The following GPR139 variants were observed in gnomAD, a reference collection of about 807,000 sequenced individuals.
The protein encoded by GPR139 is G protein-coupled receptor 139.
In GPR139, 12 loss-of-function variants were observed where a neutral mutation model predicts 25.8. That is an observed-to-expected ratio of 0.47 (90% CI 0.30 to 0.75). GPR139 has a LOEUF of 0.75. GPR139 is among the 30% of genes least tolerant of loss of function. The pLI is 0.07. For missense variants in GPR139, 380 were observed against 450.2 expected (o/e 0.84, Z 1.41); for synonymous variants, 184 against 179.9 (o/e 1.02, Z -0.18).
Position 20,073,460 on chromosome 16 carries a change from G to T in GPR139, c.127+30C>A, listed in dbSNP as rs1489949769. ...GGTTGCCCGGCACTTGGGGTTCCTGGCTTCCCTCCCTCTCCCCCACGCCCC... is the reference window on the plus strand; with the variant it reads ...GGTTGCCCGGCACTTGGGGTTCCTGTCTTCCCTCCCTCTCCCCCACGCCCC... On this transcript the variant is annotated intron_variant, in intron 1 of 1. Coordinates refer to ENST00000570682, the MANE Select transcript of GPR139 (RefSeq NM_001002911.4). This position sits in a 1 kb window ranked among gnomAD's most constrained non-coding sequence, Gnocchi z 4.7. 1.9e-6 allele frequency: 3 copies of T among 1,603,704 alleles called. No individual in the cohort carries two copies. The highest frequency in any genetic ancestry group is 1.7e-6 in the Non-Finnish European group (2 of 1,175,582).
chr16:20,031,620 C>T lies in GPR139; in HGVS notation c.*115G>A, dbSNP rs567527345. 9.6e-5 allele frequency: 74 copies of T among 768,070 alleles called. No homozygotes were observed. The East Asian group carries it at 1.5e-3, about 15-fold the overall frequency. The allele number at this position is 768,070 out of a possible 1,614,324, so 47.6% of individuals were successfully genotyped here. The stretch of plus-strand genomic sequence containing the variant: ...ACCAGTCTGAGAATTGCCCAGTCTG[C>T]GGGAGACAGGAAATCGGATTAGCAC... On this transcript the variant is annotated 3_prime_UTR_variant, in exon 2 of 2. Coordinates refer to ENST00000570682, the MANE Select transcript of GPR139 (RefSeq NM_001002911.4).
At chr16:20,053,439 T>A (rs558553222) in intron 1 of GPR139, among the ~76,000 whole-genome samples, 11 of 152,224 alleles carry the variant, frequency 7.2e-5, no homozygotes, top group Admixed American at 3.9e-4. Flanking sequence ...GATGGGTTTC[T>A]TTCTTGGCAG....
At chr16:20,065,983 A>G (rs2057432745) in intron 1 of GPR139, among the ~76,000 whole-genome samples, 1 of 152,136 alleles carries the variant, frequency 6.6e-6, no homozygotes, top group African/African-American at 2.4e-5. Flanking sequence ...ATTAAGAGAA[A>G]TAGTTTGTTT....
At chr16:20,037,793 T>A (rs2057315081) in intron 1 of GPR139, among the ~76,000 whole-genome samples, 1 of 152,254 alleles carries the variant, frequency 6.6e-6, no homozygotes, top group African/African-American at 2.4e-5. Flanking sequence ...GTTCTCAGCA[T>A]AAAGAATGCG....
At chr16:20,053,389 G>GGTTT (rs1262308616) in intron 1 of GPR139, among the ~76,000 whole-genome samples, 1 of 152,082 alleles carries the variant, frequency 6.6e-6, no homozygotes, top group African/African-American at 2.4e-5. Flanking sequence ...GCCTGCCCAG[G>GGTTT]GTTTCCTTGA....
intron 1 of GPR139, among the ~76,000 whole-genome samples, chr16:20,042,795 C>A (rs1009242037): frequency 4.6e-5 from 7 of 151,982 alleles, no homozygotes; most frequent in African/African-American, 1.7e-4. Context: ...AAGCTAGAAT[C>A]AGCATTTTCT....
At position 20,032,236 on chromosome 16, in the gene GPR139, G is replaced by A. The variant is rs2057292693; in HGVS notation, c.561C>T (p.His187=). ...AGGGCACCAGGTAGACGGTGAAGCA[G>A]TGGATCCAGATGAGGACGTGATGCA... ...TSVHHVLIWI[H]CFTVYLVPCS... The change falls in exon 2 of 2, where the codon CAC becomes CAT. Residue 187 remains histidine (H), a synonymous_variant. Coordinates refer to ENST00000570682, the MANE Select transcript of GPR139 (RefSeq NM_001002911.4). The A allele has an allele frequency of 6.2e-7, 1 of 1,614,116 alleles. No homozygotes were observed. Among genetic ancestry groups the A allele is most frequent in the South Asian group, 1.1e-5 (1 of 91,086 alleles).
At chr16:20,072,244 A>T (rs1198077229) in intron 1 of GPR139, among the ~76,000 whole-genome samples, 5 of 152,128 alleles carry the variant, frequency 3.3e-5, no homozygotes, top group Admixed American at 1.3e-4. Flanking sequence ...CACATTAGTA[A>T]ACTTGCGCTT....
At chr16:20,070,895 G>A in intron 1 of GPR139, 3 of 955,646 alleles carry the variant, frequency 3.1e-6, no homozygotes, top group South Asian at 9.7e-5. Flanking sequence ...CCACTGTGGT[G>A]AGCTCAACAC....
intron 1 of GPR139, among the ~76,000 whole-genome samples, chr16:20,042,260 G>A (rs535354715): frequency 7.9e-5 from 12 of 152,266 alleles, no homozygotes; most frequent in African/African-American, 2.9e-4. Flanking sequence ...ATTAGCTATC[G>A]TTACTTTTTA....
In GPR139 at chr16:20,029,483, A is replaced by AT. The variant is rs2057279188; in HGVS notation, c.*2251_*2252insA. Among the ~76,000 whole-genome samples the AT allele has an allele frequency of 2.1e-4, 5 of 23,356 alleles. No individual in the cohort carries two copies. The highest frequency in any genetic ancestry group is 2.0e-3 in the South Asian group (3 of 1,470). The allele number at this position is 23,356 out of a possible 152,430, so 15.3% of individuals were successfully genotyped here. On this transcript the variant is annotated 3_prime_UTR_variant, in exon 2 of 2. Transcript: ENST00000570682. ...CTACATGTTTAAAAAATAAATAAAT[A>AT]AATATATATATATATATATATTCAG...
rs1265115076 is a variant in GPR139, at chr16:20,028,392, T to C, written c.*3343A>G. ...GCAATTGCTTGAACATAGATGCAAA[T>C]ACCAAACACCAAGTGTGCACCATAT... On this transcript the variant is annotated 3_prime_UTR_variant, in exon 2 of 2. Transcript: ENST00000570682. Among the ~76,000 whole-genome samples, 3 of 152,154 alleles carry C rather than the reference T, an allele frequency of 2.0e-5. No individual in the cohort carries two copies. The highest frequency in any genetic ancestry group is 1.3e-4 in the Admixed American group (2 of 15,260).
intron 1 of GPR139, among the ~76,000 whole-genome samples, chr16:20,050,287 G>A (rs573114941): frequency 2.3e-4 from 35 of 152,292 alleles, no homozygotes; most frequent in African/African-American, 3.1e-4. Context: ...AGGAGGGAAC[G>A]AAATGTGCAA....
At chr16:20,057,608 C>T (rs2057394622) in intron 1 of GPR139, among the ~76,000 whole-genome samples, 1 of 151,832 alleles carries the variant, frequency 6.6e-6, no homozygotes, top group Non-Finnish European at 1.5e-5. Flanking sequence ...ACCCATCCCT[C>T]CATCCACTTA....
chr16:20,073,436 G>T lies in GPR139; in HGVS notation c.127+54C>A. ...GGGAGGACGGGGGATTCTGGGTAGG[G>T]TTGCCCGGCACTTGGGGTTCCTGGC... On this transcript the variant is annotated intron_variant, in intron 1 of 1. Transcript: ENST00000570682. The surrounding 1 kb of genome is among the most constrained non-coding windows in gnomAD (Gnocchi z 4.7). 1 of 1,588,580 alleles carries T rather than the reference G, an allele frequency of 6.3e-7. No homozygotes were observed. The highest frequency in any genetic ancestry group is 1.1e-5 in the South Asian group (1 of 87,178).
rs768438513 is a variant in GPR139 at position 20,073,646 on chromosome 16, C to A, written c.-30G>T. On this transcript the variant is annotated 5_prime_UTR_variant, in exon 1 of 2. Transcript: ENST00000570682. The surrounding 1 kb of genome is among the most constrained non-coding windows in gnomAD (Gnocchi z 4.7). Reference sequence around the variant, plus strand: ...GCGCCCCTCGCTCCCCTTGCCGCTTCGCGCCCGGCCTGCCAGCCCGACTCT... The same window carrying A: ...GCGCCCCTCGCTCCCCTTGCCGCTTAGCGCCCGGCCTGCCAGCCCGACTCT... 4 of 1,535,006 alleles carry A rather than the reference C, an allele frequency of 2.6e-6. No homozygotes were observed. In the African/African-American group the frequency reaches 5.6e-5, roughly 21 times the overall value.
chr16:20,033,337 A>C (rs1025675123), intron 1 of GPR139, among the ~76,000 whole-genome samples: 1 of 152,194 alleles, frequency 6.6e-6, no homozygotes, highest in Non-Finnish European at 1.5e-5. Context: ...CAACCATGAG[A>C]GTTGGTGTTG....
At chr16:20,043,197 C>G (rs927538732) in intron 1 of GPR139, among the ~76,000 whole-genome samples, 1 of 152,206 alleles carries the variant, frequency 6.6e-6, no homozygotes, top group African/African-American at 2.4e-5. Context: ...CTGGAGTCAG[C>G]CTTGCCAACC....
chr16:20,042,843 A>T (rs2057340883), intron 1 of GPR139, among the ~76,000 whole-genome samples: 1 of 152,042 alleles, frequency 6.6e-6, no homozygotes, highest in Non-Finnish European at 1.5e-5. Flanking sequence ...ATCATGTTTC[A>T]TCTTCAGTCT....
Sources: allele counts gnomAD v4.1 joint callset (sites outside exome capture counted in the v4.1 genomes callset), GRCh38; gene constraint gnomAD v4.1.1; non-coding constraint Gnocchi (gnomAD v3.1); transcripts MANE v1.5; gene names NCBI Gene and HGNC (gene_info 2026-07-23, HGNC 2026-07-21).